Variants in PCDHA3 observed in about 807,000 individuals in gnomAD.
The protein encoded by PCDHA3 is protocadherin alpha-3.
A neutral mutation model predicts 62.2 loss-of-function variants in PCDHA3; 41 were observed. The observed-to-expected ratio is 0.66, with a 90% confidence interval of 0.51 to 0.86. The LOEUF is 0.86. Ranked by LOEUF, PCDHA3 falls within the 40% of genes least tolerant of loss-of-function variation. The pLI is 0.00. For missense variants in PCDHA3, 1,304 were observed against 1,241.2 expected (o/e 1.05, Z -0.76); for synonymous variants, 640 against 555.4 (o/e 1.15, Z -2.14).
chr5:140,817,252 T>A (rs1766096602), intron 1 of PCDHA3: 1 of 152,374 alleles, frequency 6.6e-6, no homozygotes, highest in African/African-American at 2.4e-5. Context: ...GAGCTGGGAA[T>A]TTCCCCCTGT....
rs1311209449 is a variant in PCDHA3, at chr5:141,010,944, A to G, written c.*1007A>G. On this transcript the variant is annotated 3_prime_UTR_variant, in exon 4 of 4. Transcript: ENST00000522353. ...GAGAATTCAGTCTACAGCCATTTAA[A>G]TGATCATTGCTGCTACAGAAGTGCT... 6.5e-6 allele frequency: 1 copy of G among 153,776 alleles called. No individual in the cohort carries two copies. The highest frequency in any genetic ancestry group is 2.4e-5 in the African/African-American group (1 of 41,450). 9.5% of individuals were successfully genotyped at this position (153,776 alleles called of 1,614,324 possible).
At chr5:140,931,982 T>G (rs1486789443) in intron 1 of PCDHA3, among the ~76,000 whole-genome samples, 1 of 151,968 alleles carries the variant, frequency 6.6e-6, no homozygotes, top group Non-Finnish European at 1.5e-5. Context: ...GTTTATATTT[T>G]GCTCAAATTC....
In PCDHA3 at chr5:140,801,160, C is replaced by T. The variant is rs1554121291; in HGVS notation, c.-38C>T. The T allele has an allele frequency of 2.0e-6, 3 of 1,536,136 alleles. No individual in the cohort carries two copies. Among genetic ancestry groups the T allele is most frequent in the Non-Finnish European group, 2.6e-6 (3 of 1,145,094 alleles). On this transcript the variant is annotated 5_prime_UTR_variant, in exon 1 of 4. Coordinates refer to ENST00000522353, the MANE Select transcript of PCDHA3 (RefSeq NM_018906.3). ...CTCGAATTATTTTTAAACTTTGGAT[C>T]AATGTAAAGGCAATCTAATATTTGG...
intron 3 of PCDHA3, among the ~76,000 whole-genome samples, chr5:141,004,049 A>T (rs1372116883): frequency 6.6e-6 from 1 of 152,208 alleles, no homozygotes; most frequent in African/African-American, 2.4e-5. Flanking sequence ...TCATTTGCTG[A>T]TACTGGCCCC....
chr5:140,824,312 C>A, intron 1 of PCDHA3: 2 of 756,370 alleles, frequency 2.6e-6, no homozygotes, highest in South Asian at 1.8e-5. Flanking sequence ...GTAATAGATT[C>A]ATCAGCTTTC....
At chr5:140,807,990 A>T in intron 1 of PCDHA3, 2 of 1,613,728 alleles carry the variant, frequency 1.2e-6, no homozygotes, top group Non-Finnish European at 1.7e-6. Flanking sequence ...AACGCCTCAG[A>T]TTTAGACGAA....
At chr5:140,856,916 A>G in intron 1 of PCDHA3, 1 of 1,596,314 alleles carries the variant, frequency 6.3e-7, no homozygotes, top group Middle Eastern at 1.7e-4. Flanking sequence ...CACGATAAGA[A>G]GGAAATTTTG....
Position 141,009,469 on chromosome 5 carries a change from A to G in PCDHA3, c.2543-158A>G, listed in dbSNP as rs1440766583. On this transcript the variant is annotated intron_variant, in intron 3 of 3. Transcript: ENST00000522353. Reference sequence around the variant, plus strand: ...AAAAAAATTAAACAAATAAATAAATAAGTAAACACTTGCCTTGCCCTCAGA... The same window carrying G: ...AAAAAAATTAAACAAATAAATAAATGAGTAAACACTTGCCTTGCCCTCAGA... 6 of 956,242 alleles carry G rather than the reference A, an allele frequency of 6.3e-6. No homozygotes were observed. The African/African-American group carries it at 7.1e-5, about 11-fold the overall frequency. 59.2% of individuals were successfully genotyped at this position (956,242 alleles called of 1,614,324 possible). A position where few individuals can be genotyped will look rare whatever the true frequency, so the allele number is the denominator to read the frequency against.
In PCDHA3 at chr5:140,877,039, C is replaced by T. The variant is rs782458785; in HGVS notation, c.2394+73448C>T. ...CGGCAAGGTGTACGCGCTGCAGCCG[C>T]TAGACCACGAGGAGCTGGAGCTGCT... is the stretch of plus-strand genomic sequence containing the variant. On this transcript the variant is annotated intron_variant, in intron 1 of 3. Transcript: ENST00000522353. The T allele has an allele frequency of 3.7e-6, 6 of 1,612,576 alleles. No homozygotes were observed. In the African/African-American group the frequency reaches 5.3e-5, roughly 14 times the overall value.
At chr5:140,997,849 T>C (rs1554256029) in intron 3 of PCDHA3, among the ~76,000 whole-genome samples, 1 of 152,208 alleles carries the variant, frequency 6.6e-6, no homozygotes, top group African/African-American at 2.4e-5. Flanking sequence ...TACATTCTTA[T>C]ACATATTTCT....
intron 1 of PCDHA3, chr5:140,835,532 A>G (rs2150237732): frequency 2.1e-5 from 34 of 1,613,822 alleles, no homozygotes; most frequent in Admixed American, 3.3e-5. Context: ...GAGTCAACGG[A>G]CAGGTTACCT....
Position 140,819,936 on chromosome 5 carries a change from C to T in PCDHA3, c.2394+16345C>T, listed in dbSNP as rs2150105515. ...TTGTTAATACTACATTGTTAATTTG[C>T]CTTTTAAATACTTAATATTTACTTT... On this transcript the variant is annotated intron_variant, in intron 1 of 3. Transcript: ENST00000522353. 1.6e-3 allele frequency among the ~76,000 whole-genome samples: 248 copies of T among 151,776 alleles called. 1 individual carries two copies. The highest frequency in any genetic ancestry group is 2.8e-3 in the Non-Finnish European group (192 of 67,758).
chr5:140,922,072 A>G (rs1390677282), intron 1 of PCDHA3, among the ~76,000 whole-genome samples: 1 of 152,198 alleles, frequency 6.6e-6, no homozygotes. Flanking sequence ...AATCCCACTA[A>G]GCAAAAAGTG....
chr5:140,857,928 C>A (rs529968685), intron 1 of PCDHA3: 1 of 1,597,668 alleles, frequency 6.3e-7, no homozygotes, highest in East Asian at 2.2e-5. Flanking sequence ...GGGCTGTACA[C>A]GGGCGAGATC....
rs1344675374 is a variant in PCDHA3 at position 140,952,992 on chromosome 5, ACT to A, written c.2395-25951_2395-25950del. Among the ~76,000 whole-genome samples, 6 of 151,892 alleles carry A rather than the reference ACT, an allele frequency of 4.0e-5. No individual in the cohort carries two copies. In the East Asian group the frequency reaches 7.7e-4, roughly 20 times the overall value. On this transcript the variant is annotated intron_variant, in intron 1 of 3. Transcript: ENST00000522353. ...TTTTAAACAACAAGATCTCATGAGAACTCTCTCACTATTATGAGAACAACATT... is the reference window on the plus strand; with the variant it reads ...TTTTAAACAACAAGATCTCATGAGAACTCTCACTATTATGAGAACAACATT...
chr5:140,869,401 G>T, intron 1 of PCDHA3: 1 of 1,614,222 alleles, frequency 6.2e-7, no homozygotes, highest in South Asian at 1.1e-5. Flanking sequence ...CGGGCAGAGC[G>T]CGGAGTGCAG....
intron 1 of PCDHA3, among the ~76,000 whole-genome samples, chr5:140,977,005 A>C (rs982594376): frequency 3.3e-5 from 5 of 152,156 alleles, no homozygotes; most frequent in Non-Finnish European, 5.9e-5. Flanking sequence ...AAATCTTGTA[A>C]CTGTGATTCT....
chr5:140,850,275 G>T, intron 1 of PCDHA3: 1 of 1,595,466 alleles, frequency 6.3e-7, no homozygotes, highest in East Asian at 2.2e-5. Flanking sequence ...GGTGGGGAAG[G>T]TGCGCGCAGT....
intron 3 of PCDHA3, among the ~76,000 whole-genome samples, chr5:140,982,785 G>A (rs1037904724): frequency 2.0e-5 from 3 of 151,236 alleles, no homozygotes; most frequent in African/African-American, 4.9e-5. Flanking sequence ...GTGTGTGCAC[G>A]CATGTGTGCA....
Sources: gnomAD v4.1 joint callset for allele counts (sites outside exome capture counted in the v4.1 genomes callset) on GRCh38, gnomAD v4.1.1 for gene constraint, MANE v1.5 for transcripts, NCBI Gene and HGNC (gene_info 2026-07-23, HGNC 2026-07-21) for gene names.